Variants in MAP4K4 observed in about 807,000 individuals in gnomAD.
The protein encoded by MAP4K4 is mitogen-activated protein kinase kinase kinase kinase 4.
In MAP4K4, 38 loss-of-function variants were observed where a neutral mutation model predicts 189.6. The observed-to-expected ratio is 0.20, with a 90% CI of 0.15 to 0.26. The LOEUF (loss-of-function observed/expected upper bound fraction) is 0.26, where lower values mean the gene tolerates loss of function less well. MAP4K4 is among the 10% of genes least tolerant of loss of function. The pLI, the probability that MAP4K4 is intolerant of heterozygous loss-of-function variation, is 1.00. For missense variants in MAP4K4, 1,054 were observed against 1,726.9 expected (o/e 0.61, Z 6.91); for synonymous variants, 610 against 624.3 (o/e 0.98, Z 0.34).
exon 24 of MAP4K4, chr2:101,871,500 G>A: frequency 2.0e-6 from 3 of 1,534,648 alleles, no homozygotes; most frequent in Non-Finnish European, 2.6e-6. Flanking sequence ...ACAGAGTACA[G>A]TTGACCAAAA....
chr2:101,724,816 G>C (rs983702018), intron 2 of MAP4K4, among the ~76,000 whole-genome samples: 1 of 152,168 alleles, frequency 6.6e-6, no homozygotes, highest in Non-Finnish European at 1.5e-5. Context: ...GCATAGCCAG[G>C]TTTGGGAAGT....
At chr2:101,810,876 A>T (rs1404213604) in intron 3 of MAP4K4, among the ~76,000 whole-genome samples, 1 of 152,194 alleles carries the variant, frequency 6.6e-6, no homozygotes, top group African/African-American at 2.4e-5. Context: ...TCCAAGGCTT[A>T]CTATTGAGTA....
intron 27 of MAP4K4, among the ~76,000 whole-genome samples, chr2:101,881,832 C>T (rs188748357): frequency 6.6e-6 from 1 of 152,044 alleles, no homozygotes; most frequent in East Asian, 1.9e-4. Flanking sequence ...TGACGTTGCC[C>T]CCCATCATTT....
intron 3 of MAP4K4, among the ~76,000 whole-genome samples, chr2:101,822,938 C>A (rs1037660284): frequency 2.0e-5 from 3 of 152,102 alleles, no homozygotes; most frequent in African/African-American, 7.2e-5. Flanking sequence ...GATGATTTTC[C>A]CTTTCCTGCA....
chr2:101,874,243 G>T lies in MAP4K4; in HGVS notation c.3232G>T (p.Ala1078Ser). 3.1e-6 allele frequency: 5 copies of T among 1,608,140 alleles called. No homozygotes were observed. Among genetic ancestry groups the T allele is most frequent in the Non-Finnish European group, 4.2e-6 (5 of 1,177,058 alleles). Residue 1078 changes from alanine to serine, a missense_variant, in exon 26 of 33, where the codon GCC (alanine) becomes TCC (serine). Coordinates refer to ENST00000324219, the Ensembl canonical transcript of MAP4K4. Reference sequence around the variant, plus strand: ...GTTTAACTCTGAGATTCTGTGTGCTGCCTTATGGGGTAGGTGTCTAGCCAC... The same window carrying T: ...GTTTAACTCTGAGATTCTGTGTGCTTCCTTATGGGGTAGGTGTCTAGCCAC...
chr2:101,863,725 C>T (rs1577002602), intron 16 of MAP4K4, 96 bp from the exon 17 acceptor site: 6 of 730,820 alleles, frequency 8.2e-6, no homozygotes, highest in Admixed American at 2.0e-5. Context: ...GTGTGTATTC[C>T]GCCTCTGCCA....
chr2:101,829,793 C>A, intron 6 of MAP4K4, 199 bp downstream of exon 6: 1 of 513,980 alleles, frequency 1.9e-6, no homozygotes. Flanking sequence ...CCCCCTGCCC[C>A]CTGGTTCTCT....
At chr2:101,712,157 T>C (rs1321014099) in intron 2 of MAP4K4, among the ~76,000 whole-genome samples, 1 of 151,950 alleles carries the variant, frequency 6.6e-6, no homozygotes, top group Admixed American at 6.6e-5. Flanking sequence ...CTTGGCCTTA[T>C]AGTTTTTTAG....
intron 18 of MAP4K4, among the ~76,000 whole-genome samples, chr2:101,865,829 G>T (rs2097793552): frequency 6.6e-6 from 1 of 152,208 alleles, no homozygotes; most frequent in Non-Finnish European, 1.5e-5. Flanking sequence ...CCCAAAAGCT[G>T]CACAGAATCC....
At chr2:101,705,157 A>G (rs2041622228) in intron 2 of MAP4K4, among the ~76,000 whole-genome samples, 1 of 152,210 alleles carries the variant, frequency 6.6e-6, no homozygotes, top group Non-Finnish European at 1.5e-5. Flanking sequence ...CATTAGGTAT[A>G]ACTAAATTGG....
chr2:101,790,817 G>A, intron 3 of MAP4K4, 41 bp downstream of exon 3: 1 of 1,466,156 alleles, frequency 6.8e-7, no homozygotes, highest in Non-Finnish European at 9.5e-7. Flanking sequence ...ATGTTAGATG[G>A]AAGACAAAGA....
chr2:101,776,328 G>A (rs1219216313), intron 2 of MAP4K4, among the ~76,000 whole-genome samples: 4 of 152,044 alleles, frequency 2.6e-5, no homozygotes, highest in African/African-American at 9.7e-5. Context: ...TATCGGGCCC[G>A]GGCTTTTCAG....
chr2:101,864,050 G>A, exon 17 of MAP4K4: 1 of 1,356,930 alleles, frequency 7.4e-7, no homozygotes, highest in Non-Finnish European at 9.9e-7. Context: ...GTGCCTCCAA[G>A]GGTAAGGAGC....
chr2:101,858,387 C>T (rs2097539749), intron 13 of MAP4K4, among the ~76,000 whole-genome samples: 1 of 152,192 alleles, frequency 6.6e-6, no homozygotes, highest in Non-Finnish European at 1.5e-5. Context: ...TTTCTCTCCC[C>T]TTGTCCTTGT....
chr2:101,742,039 G>A (rs2063069014), intron 2 of MAP4K4, among the ~76,000 whole-genome samples: 1 of 152,144 alleles, frequency 6.6e-6, no homozygotes, highest in Non-Finnish European at 1.5e-5. Context: ...TATCTCTTTG[G>A]TTGTGAAGAA....
At chr2:101,711,174 C>T (rs1193069517) in intron 2 of MAP4K4, among the ~76,000 whole-genome samples, 1 of 152,306 alleles carries the variant, frequency 6.6e-6, no homozygotes, top group Non-Finnish European at 1.5e-5. Context: ...CTGCTGGTCC[C>T]CACGACGTTA....
intron 16 of MAP4K4, 78 bp from the exon 17 acceptor site, chr2:101,863,743 C>A: frequency 1.0e-6 from 1 of 965,446 alleles, no homozygotes; most frequent in Non-Finnish European, 1.5e-6. Context: ...CCAGTTCCTG[C>A]TTTGGATTTG....
intron 32 of MAP4K4, among the ~76,000 whole-genome samples, chr2:101,890,243 T>A (rs1199187919): frequency 6.6e-6 from 1 of 152,244 alleles, no homozygotes; most frequent in Non-Finnish European, 1.5e-5. Context: ...TTGTGTTTTT[T>A]AAAGACATTT....
chr2:101,829,110 C>A (rs1388163595), intron 5 of MAP4K4, among the ~76,000 whole-genome samples: 2 of 152,190 alleles, frequency 1.3e-5, no homozygotes, highest in African/African-American at 4.8e-5. Context: ...CTTTGCTTTT[C>A]CCCTGAGATG....
Sources: allele counts gnomAD v4.1 joint callset (sites outside exome capture counted in the v4.1 genomes callset), GRCh38; gene constraint gnomAD v4.1.1; transcripts MANE v1.5; gene names NCBI Gene and HGNC (gene_info 2026-07-23, HGNC 2026-07-21).